TMEM33: variants seen among roughly 807,000 people sequenced by gnomAD.
TMEM33 encodes transmembrane protein 33.
In TMEM33, 16 loss-of-function variants were observed where a neutral mutation model predicts 29.7. The ratio of observed to expected loss-of-function variants is 0.54; its 90% CI spans 0.36 to 0.82. The LOEUF is 0.82. Among genes scored for constraint, TMEM33 ranks in the 40% least tolerant of loss-of-function variants. The probability of loss-of-function intolerance (pLI) is 0.00; values close to 1 mark genes in which losing one functional copy is unlikely to be tolerated. For synonymous variants in TMEM33, 112 were observed against 109.4 expected, an observed-to-expected ratio of 1.02 and a Z score of -0.15; for missense variants, 252 against 295.3, an observed-to-expected ratio of 0.85 and a Z score of 1.08.
At chr4:41,951,438 T>G (rs904522695) in intron 6 of TMEM33, among the ~76,000 whole-genome samples, 1 of 152,188 alleles carries the variant, frequency 6.6e-6, no homozygotes, top group African/African-American at 2.4e-5. Context: ...TTGTTCAAAG[T>G]TCTGTTGTCC....
intron 5 of TMEM33, among the ~76,000 whole-genome samples, chr4:41,945,998 GA>G (rs1233464340): frequency 2.4e-4 from 33 of 137,110 alleles, no homozygotes; most frequent in East Asian, 1.9e-3. Context: ...AAAAGAAAAG[GA>G]AAAAAAAAAG....
chr4:41,957,051 T>C lies in TMEM33; in HGVS notation c.*2852T>C, dbSNP rs1279041960. ...TAGTTACAGGTTTAAAAGAAGTTCA[T>C]TTAACATCCAGTGTGTCTAATTCTT... On this transcript the variant is annotated 3_prime_UTR_variant, in exon 7 of 7. Coordinates refer to ENST00000504986, the MANE Select transcript of TMEM33 (RefSeq NM_018126.3). The C allele has an allele frequency of 1.3e-5, 2 of 152,206 alleles. No individual in the cohort carries two copies. The highest frequency in any genetic ancestry group is 2.9e-5 in the Non-Finnish European group (2 of 68,000). 9.4% of individuals were successfully genotyped at this position (152,206 alleles called of 1,614,324 possible).
rs1577659843 is a variant in TMEM33, at chr4:41,960,651, A to G, written c.*6452A>G. 1.3e-5 allele frequency: 2 copies of G among 152,174 alleles called. No individual in the cohort carries two copies. The highest frequency in any genetic ancestry group is 2.4e-5 in the African/African-American group (1 of 41,448). The allele number at this position is 152,174 out of a possible 1,614,324, so 9.4% of individuals were successfully genotyped here. A position where few individuals can be genotyped will look rare whatever the true frequency, so the allele number is the denominator to read the frequency against. On this transcript the variant is annotated 3_prime_UTR_variant, in exon 7 of 7. Coordinates refer to ENST00000504986, the MANE Select transcript of TMEM33 (RefSeq NM_018126.3). ...TGAGCTTAATTGCCTTTTTGTTAGA[A>G]TAAGGTGAATTTGAACACACTCCTC...
At chr4:41,950,818 T>G (rs772067664) in intron 6 of TMEM33, among the ~76,000 whole-genome samples, 7 of 152,160 alleles carry the variant, frequency 4.6e-5, no homozygotes, top group Non-Finnish European at 7.4e-5. Context: ...TCTTTGTGCC[T>G]CCTTCTCCAT....
Position 41,956,704 on chromosome 4 carries a change from A to G in TMEM33, c.*2505A>G, listed in dbSNP as rs1713290212. The G allele has an allele frequency of 6.6e-6, 1 of 152,216 alleles. No individual in the cohort carries two copies. Among genetic ancestry groups the G allele is most frequent in the African/African-American group, 2.4e-5 (1 of 41,462 alleles). The allele number at this position is 152,216 out of a possible 1,614,324, so 9.4% of individuals were successfully genotyped here. A position where few individuals can be genotyped will look rare whatever the true frequency, so the allele number is the denominator to read the frequency against. On this transcript the variant is annotated 3_prime_UTR_variant, in exon 7 of 7. Coordinates refer to ENST00000504986, the MANE Select transcript of TMEM33 (RefSeq NM_018126.3). ...TGAGGTTTTATGTCATTTTAGCAGA[A>G]TTATAATATTTCTGATATACTCATG...
At chr4:41,939,974 T>C in intron 3 of TMEM33, 1 of 344,446 alleles carries the variant, frequency 2.9e-6, no homozygotes, top group South Asian at 2.3e-5. Flanking sequence ...TGTTGTGGGA[T>C]GATACTGGGT....
intron 5 of TMEM33, 51 bp from the exon 6 acceptor site, chr4:41,949,251 T>A (rs754122181): frequency 7.6e-7 from 1 of 1,310,700 alleles, no homozygotes; most frequent in East Asian, 2.4e-5. Flanking sequence ...TTTGAGAGTA[T>A]ACACATGAAT....
intron 1 of TMEM33, among the ~76,000 whole-genome samples, chr4:41,937,678 A>G (rs1421116823): frequency 6.6e-6 from 1 of 152,218 alleles, no homozygotes; most frequent in Non-Finnish European, 1.5e-5. Context: ...TTTTGTTTAT[A>G]TATCCATGTA....
chr4:41,940,936 G>T (rs1490431549), intron 3 of TMEM33, among the ~76,000 whole-genome samples: 1 of 151,990 alleles, frequency 6.6e-6, no homozygotes, highest in Non-Finnish European at 1.5e-5. Flanking sequence ...CCACACATTG[G>T]CTAGTAAGTA....
upstream of TMEM33, chr4:41,935,219 C>A: frequency 1.2e-5 from 7 of 574,212 alleles, no homozygotes; most frequent in South Asian, 2.0e-5. Context: ...CCTTCGCTCC[C>A]GTCTTTCTGG....
At position 41,959,339 on chromosome 4, in the gene TMEM33, ACT is replaced by A. The variant is rs1476339559; in HGVS notation, c.*5143_*5144del. 2 of 150,170 alleles carry A rather than the reference ACT, an allele frequency of 1.3e-5. No individual in the cohort carries two copies. The highest frequency in any genetic ancestry group is 4.9e-5 in the African/African-American group (2 of 41,076). The allele number at this position is 150,170 out of a possible 1,614,324, so 9.3% of individuals were successfully genotyped here. On this transcript the variant is annotated 3_prime_UTR_variant, in exon 7 of 7. Transcript: ENST00000504986. ...GAACATAGTCAAGTGTGATGGATTA[ACT>A]CTATATAGTCTTTCTCCTCTTGTGC...
rs1713267357 is a variant in TMEM33, at chr4:41,956,364, A to G, written c.*2165A>G. On this transcript the variant is annotated 3_prime_UTR_variant, in exon 7 of 7. Coordinates refer to ENST00000504986, the MANE Select transcript of TMEM33 (RefSeq NM_018126.3). ...TCATGTTAACGTTTTACATAACTGT[A>G]GAACATTTATCTAAAGTAAGATATT... The G allele has an allele frequency of 6.6e-6, 1 of 152,182 alleles. No individual in the cohort carries two copies. The highest frequency in any genetic ancestry group is 6.5e-5 in the Admixed American group (1 of 15,276). The allele number at this position is 152,182 out of a possible 1,614,324, so 9.4% of individuals were successfully genotyped here. A position where few individuals can be genotyped will look rare whatever the true frequency, so the allele number is the denominator to read the frequency against.
At chr4:41,948,217 T>C (rs1204666362) in intron 5 of TMEM33, among the ~76,000 whole-genome samples, 1 of 152,180 alleles carries the variant, frequency 6.6e-6, no homozygotes, top group Non-Finnish European at 1.5e-5. Flanking sequence ...GTGAGCACTA[T>C]CAATGTTAGT....
At position 41,954,653 on chromosome 4, in the gene TMEM33, A is replaced by G. The variant is rs975048763; in HGVS notation, c.*454A>G. The G allele has an allele frequency of 6.5e-6, 1 of 153,508 alleles. No homozygotes were observed. Among genetic ancestry groups the G allele is most frequent in the African/African-American group, 2.4e-5 (1 of 41,438 alleles). The allele number at this position is 153,508 out of a possible 1,614,324, so 9.5% of individuals were successfully genotyped here. ...AGTAATTTTGGTTAATGATTTTAAC[A>G]CTTCTCAGTGTATTTAATTTCAAAT... On this transcript the variant is annotated 3_prime_UTR_variant, in exon 7 of 7. Transcript: ENST00000504986.
chr4:41,950,933 T>C (rs1165624694), intron 6 of TMEM33, among the ~76,000 whole-genome samples: 2 of 152,206 alleles, frequency 1.3e-5, no homozygotes, highest in East Asian at 1.9e-4. Flanking sequence ...AACACAAATA[T>C]GTGCTGGTAA....
chr4:41,935,381 G>T (rs1039560702), upstream of TMEM33: 2 of 1,267,922 alleles, frequency 1.6e-6, no homozygotes, highest in Non-Finnish European at 2.2e-6. Context: ...TGTGGCGCGA[G>T]GCAGGGAAGC....
chr4:41,935,515 G>A lies in TMEM33; in HGVS notation c.31G>A (p.Gly11Arg). Reference sequence around the variant, plus strand: ...AGATACGACCCCGAACGGCCCCCAAGGGGCGGGCGCTGTGGTAAGTGCGAG... The same window carrying A: ...AGATACGACCCCGAACGGCCCCCAAAGGGCGGGCGCTGTGGTAAGTGCGAG... MADTTPNGPQ[G>R]AGAVQFMMTN... The change falls in exon 1 of 7, where the codon GGG becomes AGG. Residue 11 changes from glycine (G) to arginine (R), a missense_variant. By Grantham distance (125) the Gly-to-Arg change is moderately radical (BLOSUM62 -2). Coordinates refer to ENST00000504986, the MANE Select transcript of TMEM33 (RefSeq NM_018126.3). The A allele has an allele frequency of 6.2e-7, 1 of 1,609,082 alleles. No homozygotes were observed. The highest frequency in any genetic ancestry group is 8.5e-7 in the Non-Finnish European group (1 of 1,177,840).
rs1254154679 is a variant in TMEM33, at chr4:41,955,981, T to C, written c.*1782T>C. 9.2e-5 allele frequency: 14 copies of C among 151,966 alleles called. No homozygotes were observed. Among genetic ancestry groups the C allele is most frequent in the Non-Finnish European group, 2.9e-5 (2 of 67,908 alleles). The allele number at this position is 151,966 out of a possible 1,614,324, so 9.4% of individuals were successfully genotyped here. A position where few individuals can be genotyped will look rare whatever the true frequency, so the allele number is the denominator to read the frequency against. Reference sequence around the variant, plus strand: ...AATGTACAAGAGAGTTTTTTTGTTGTTGTTTTTGTTTTTTGAGACAGAGTC... The same window carrying C: ...AATGTACAAGAGAGTTTTTTTGTTGCTGTTTTTGTTTTTTGAGACAGAGTC... On this transcript the variant is annotated 3_prime_UTR_variant, in exon 7 of 7. Coordinates refer to ENST00000504986, the MANE Select transcript of TMEM33 (RefSeq NM_018126.3).
At chr4:41,936,391 A>C (rs546489028) in intron 1 of TMEM33, among the ~76,000 whole-genome samples, 1 of 152,190 alleles carries the variant, frequency 6.6e-6, no homozygotes, top group Admixed American at 6.5e-5. Context: ...AAATCAAAGA[A>C]ATTAGGCGGG....
Sources: gnomAD v4.1 joint callset for allele counts (sites outside exome capture counted in the v4.1 genomes callset) on GRCh38, gnomAD v4.1.1 for gene constraint, MANE v1.5 for transcripts, NCBI Gene and HGNC (gene_info 2026-07-23, HGNC 2026-07-21) for gene names.